MSH3: variants seen among roughly 807,000 people sequenced by gnomAD.
MSH3 encodes DNA mismatch repair protein Msh3.
MSH3 carries 106 observed loss-of-function variants against 123.3 expected under a neutral mutation model. That is an observed-to-expected ratio of 0.86 (90% CI 0.73 to 1.01). The LOEUF (loss-of-function observed/expected upper bound fraction) is 1.01, where lower values mean the gene tolerates loss of function less well. Among genes scored for constraint, MSH3 ranks in the 50% least tolerant of loss-of-function variants. The probability of loss-of-function intolerance (pLI) is 0.00; values close to 1 mark genes in which losing one functional copy is unlikely to be tolerated. For missense variants in MSH3, 1,459 were observed against 1,347.6 expected, an observed-to-expected ratio of 1.08 and a Z score of -1.29; for synonymous variants, 515 against 481.4, an observed-to-expected ratio of 1.07 and a Z score of -0.91.
At chr5:80,794,031 G>A (rs1331679391) in intron 19 of MSH3, among the ~76,000 whole-genome samples, 3 of 152,164 alleles carry the variant, frequency 2.0e-5, no homozygotes, top group East Asian at 1.9e-4. Flanking sequence ...TGGGGGAGGA[G>A]AGAGAGTGAG....
In MSH3 at chr5:80,853,996, T is replaced by A; in HGVS notation, c.2814-134T>A. 1.1e-5 allele frequency: 8 copies of A among 724,372 alleles called. No homozygotes were observed. The South Asian group carries it at 1.4e-4, about 13-fold the overall frequency. 44.9% of individuals were successfully genotyped at this position (724,372 alleles called of 1,614,324 possible). A position where few individuals can be genotyped will look rare whatever the true frequency, so the allele number is the denominator to read the frequency against. On this transcript the variant is annotated intron_variant, in intron 20 of 23. Transcript: ENST00000265081. ...TCCAACATGTTTTCTTTTGTTTAAT[T>A]TAATTTGAGCTATTATTGGCTCAAA...
At chr5:80,709,999 T>A (rs1197002635) in intron 8 of MSH3, among the ~76,000 whole-genome samples, 3 of 152,204 alleles carry the variant, frequency 2.0e-5, no homozygotes, top group Non-Finnish European at 4.4e-5. Flanking sequence ...GTGCCTTTCT[T>A]ACCCAATTAC....
In MSH3 at chr5:80,679,109, A is replaced by G; in HGVS notation, c.1340+16A>G. ...CATCTGTTAGGTAAGTTGGCACATC[A>G]CTGGAATATAATACCGATTCTGAAA... On this transcript the variant is annotated intron_variant, in intron 8 of 23. Coordinates refer to ENST00000265081, the MANE Select transcript of MSH3 (RefSeq NM_002439.5). The G allele has an allele frequency of 6.2e-7, 1 of 1,613,032 alleles. No individual in the cohort carries two copies. Among genetic ancestry groups the G allele is most frequent in the African/African-American group, 1.3e-5 (1 of 75,024 alleles).
chr5:80,758,720 G>A (rs887052638), intron 12 of MSH3, among the ~76,000 whole-genome samples: 3 of 152,030 alleles, frequency 2.0e-5, no homozygotes, highest in African/African-American at 7.2e-5. Flanking sequence ...GAAATTTATA[G>A]TTTTATATCT....
chr5:80,750,963 AT>A (rs1375267151), intron 12 of MSH3, among the ~76,000 whole-genome samples: 5 of 152,100 alleles, frequency 3.3e-5, no homozygotes, highest in African/African-American at 1.2e-4. Flanking sequence ...CCTAATCTAA[AT>A]TATGTTCCTT....
chr5:80,766,339 C>CTTT lies in MSH3; in HGVS notation c.1897-1572_1897-1570dup, dbSNP rs1166492002. Among the ~76,000 whole-genome samples the CTTT allele has an allele frequency of 5.4e-3, 422 of 78,184 alleles. 2 individuals carry two copies. Among genetic ancestry groups the CTTT allele is most frequent in the African/African-American group, 6.3e-3 (113 of 17,816 alleles). 51.3% of individuals were successfully genotyped at this position (78,184 alleles called of 152,430 possible). ...TCTTCTTTTCTAGTGTGTTTTTTTCCTTTTTTTTTTTTTTTTTTTTTTTTG... is the reference window on the plus strand; with the variant it reads ...TCTTCTTTTCTAGTGTGTTTTTTTCCTTTTTTTTTTTTTTTTTTTTTTTTTTTG... On this transcript the variant is annotated intron_variant, in intron 13 of 23. Coordinates refer to ENST00000265081, the MANE Select transcript of MSH3 (RefSeq NM_002439.5).
chr5:80,808,874 T>TCTATATATATATCTATATATATATAG (rs1561485233), intron 19 of MSH3, among the ~76,000 whole-genome samples: 2 of 79,796 alleles, frequency 2.5e-5, no homozygotes, highest in African/African-American at 6.0e-5. Flanking sequence ...TATATATATA[T>TCTATATATATATCTATATATATATAG]ATATATATAC....
intron 13 of MSH3, among the ~76,000 whole-genome samples, chr5:80,766,838 C>G (rs1561470930): frequency 6.6e-6 from 1 of 151,898 alleles, no homozygotes; most frequent in South Asian, 2.1e-4. Flanking sequence ...CCTTCCATAC[C>G]TACTACCCAG....
chr5:80,717,885 C>T (rs1390915886), intron 8 of MSH3, among the ~76,000 whole-genome samples: 1 of 151,952 alleles, frequency 6.6e-6, no homozygotes, highest in Non-Finnish European at 1.5e-5. Context: ...CTAAATTCAG[C>T]GTGATGATGG....
At chr5:80,793,754 A>G (rs757705257) in intron 19 of MSH3, among the ~76,000 whole-genome samples, 3 of 152,180 alleles carry the variant, frequency 2.0e-5, no homozygotes, top group Admixed American at 2.0e-4. Flanking sequence ...ACTCATATCA[A>G]GAAATTTGCA....
At chr5:80,723,239 A>T (rs1751124977) in intron 8 of MSH3, among the ~76,000 whole-genome samples, 1 of 152,196 alleles carries the variant, frequency 6.6e-6, no homozygotes, top group African/African-American at 2.4e-5. Flanking sequence ...AGAGCAAGGT[A>T]GGGACCTTGC....
rs1165755520 is a variant in MSH3, at chr5:80,691,845, ATATATTTATATAGCTAAACATG to A, written c.1340+12756_1340+12777del. On this transcript the variant is annotated intron_variant, in intron 8 of 23. Coordinates refer to ENST00000265081, the MANE Select transcript of MSH3 (RefSeq NM_002439.5). ...TGTTTATATAGATAAATAAACATGT[ATATATTTATATAGCTAAACATG>A]TATGTTTATATAGATAAACGTGTAT... Among the ~76,000 whole-genome samples, 181 of 146,304 alleles carry A rather than the reference ATATATTTATATAGCTAAACATG, an allele frequency of 1.2e-3. 8 individuals carry two copies. Among genetic ancestry groups the A allele is most frequent in the African/African-American group, 2.7e-3 (109 of 40,368 alleles).
chr5:80,667,518 T>C (rs1749598339), intron 3 of MSH3, among the ~76,000 whole-genome samples: 1 of 152,216 alleles, frequency 6.6e-6, no homozygotes, highest in Non-Finnish European at 1.5e-5. Context: ...AGGCTGTGCT[T>C]GGCTTTTGCT....
At chr5:80,805,885 C>T (rs988164391) in intron 19 of MSH3, among the ~76,000 whole-genome samples, 2 of 151,996 alleles carry the variant, frequency 1.3e-5, no homozygotes, top group African/African-American at 2.4e-5. Context: ...CCGCACCCGG[C>T]CCCAATATGA....
intron 8 of MSH3, among the ~76,000 whole-genome samples, chr5:80,690,089 A>T (rs548740789): frequency 1.0e-3 from 153 of 152,032 alleles, no homozygotes; most frequent in African/African-American, 3.6e-3. Context: ...TAATTTTTTA[A>T]AAAAAATTTT....
intron 19 of MSH3, among the ~76,000 whole-genome samples, chr5:80,806,426 T>A (rs777756939): frequency 3.4e-4 from 52 of 152,364 alleles, no homozygotes; most frequent in Non-Finnish European, 6.2e-4. Flanking sequence ...TGATATGAGT[T>A]AGGAATCTAA....
chr5:80,688,594 T>G (rs1339221352), intron 8 of MSH3, among the ~76,000 whole-genome samples: 1 of 152,198 alleles, frequency 6.6e-6, no homozygotes, highest in African/African-American at 2.4e-5. Flanking sequence ...TGGAAAATAT[T>G]TAGCAGAGTT....
At chr5:80,706,187 A>G (rs980643804) in intron 8 of MSH3, among the ~76,000 whole-genome samples, 5 of 152,198 alleles carry the variant, frequency 3.3e-5, no homozygotes, top group African/African-American at 1.2e-4. Context: ...TCTTGGGAAA[A>G]TAAGAGTTAG....
intron 8 of MSH3, among the ~76,000 whole-genome samples, chr5:80,692,813 A>T (rs1750340513): frequency 7.5e-6 from 1 of 133,748 alleles, no homozygotes; most frequent in African/African-American, 2.7e-5. Flanking sequence ...ATATGTTTAG[A>T]TAAATATACA....
Sources: allele counts gnomAD v4.1 joint callset (sites outside exome capture counted in the v4.1 genomes callset), GRCh38; gene constraint gnomAD v4.1.1; transcripts MANE v1.5; gene names NCBI Gene and HGNC (gene_info 2026-07-23, HGNC 2026-07-21).